Variants in TMEM40 observed in about 807,000 individuals in gnomAD.
TMEM40 encodes the protein transmembrane protein 40.
In TMEM40, 34 loss-of-function variants were observed where a neutral mutation model predicts 40.8. The ratio of observed to expected loss-of-function variants is 0.83; its 90% CI spans 0.63 to 1.11. The LOEUF is 1.11. Among genes scored for constraint, TMEM40 ranks in the 50% least tolerant of loss-of-function variants. TMEM40 has a pLI of 0.00. For missense variants in TMEM40, 296 were observed against 280.2 expected (o/e 1.06, Z -0.40); for synonymous variants, 106 against 107.0 (o/e 0.99, Z 0.06).
chr3:12,738,260 A>G (rs529621479), intron 6 of TMEM40, 92 bp from the exon 7 acceptor site: 1 of 1,430,002 alleles, frequency 7.0e-7, no homozygotes, highest in East Asian at 2.3e-5. Context: ...GTGACCTAAA[A>G]AAATGTCCCC....
chr3:12,758,119 T>C (rs2061542589), intron 1 of TMEM40, among the ~76,000 whole-genome samples: 1 of 150,832 alleles, frequency 6.6e-6, no homozygotes, highest in South Asian at 2.1e-4. Flanking sequence ...ACCCACAGGA[T>C]TGTTGTGAAA....
rs1452090071 is a variant in TMEM40, at chr3:12,738,122, G to C, written c.424+14C>G. On this transcript the variant is annotated intron_variant, in intron 7 of 11. Transcript: ENST00000314124. ...CACCCGCTCTGGCTCTCCTATTTGA[G>C]CTTGTGTATTTACCACTTGCTGGGT... The C allele has an allele frequency of 6.2e-7, 1 of 1,613,706 alleles. No homozygotes were observed. The highest frequency in any genetic ancestry group is 1.7e-5 in the Admixed American group (1 of 59,954).
intron 1 of TMEM40, among the ~76,000 whole-genome samples, chr3:12,757,244 C>A (rs1005600345): frequency 5.9e-5 from 9 of 151,904 alleles, no homozygotes; most frequent in African/African-American, 9.7e-5. Context: ...CTGAGGCGGG[C>A]GGATCACCTG....
rs571742502 is a variant in TMEM40 at position 12,734,574 on chromosome 3, C to T, written c.*200G>A. 1 of 593,180 alleles carries T rather than the reference C, an allele frequency of 1.7e-6. No individual in the cohort carries two copies. The highest frequency in any genetic ancestry group is 3.0e-6 in the Non-Finnish European group (1 of 337,118). 36.7% of individuals were successfully genotyped at this position (593,180 alleles called of 1,614,324 possible). ...GCCTTCCATCCTTGCAGCTGGGTTG[C>T]ACAGCAGTACTGCCCAAATGAGATG... On this transcript the variant is annotated 3_prime_UTR_variant, in exon 12 of 12. Coordinates refer to ENST00000314124, the MANE Select transcript of TMEM40 (RefSeq NM_018306.4).
intron 2 of TMEM40, among the ~76,000 whole-genome samples, chr3:12,749,086 G>A (rs1279466198): frequency 4.6e-5 from 7 of 151,732 alleles, no homozygotes; most frequent in African/African-American, 4.8e-5. Flanking sequence ...CTGCAGTGAC[G>A]CTATCTCGGC....
Position 12,749,792 on chromosome 3 carries a change from C to CTGTTG in TMEM40, c.36_40dup (p.Ser14ThrfsTer12). On this transcript the variant is annotated frameshift_variant, in exon 2 of 12. Coordinates refer to ENST00000314124, the MANE Select transcript of TMEM40 (RefSeq NM_018306.4). LOFTEE classifies it high-confidence loss of function. ...ATCTTCTGTTTCTCTGTGGACTTGA[C>CTGTTG]TGTTGTCCTGAGGCTGGGAGGAGGA... 1.2e-6 allele frequency: 2 copies of CTGTTG among 1,614,098 alleles called. No individual in the cohort carries two copies. The highest frequency in any genetic ancestry group is 1.7e-6 in the Non-Finnish European group (2 of 1,180,022).
At chr3:12,745,121 G>A (rs143277302) in intron 3 of TMEM40, among the ~76,000 whole-genome samples, 428 of 152,024 alleles carry the variant, frequency 2.8e-3, no homozygotes, top group Non-Finnish European at 4.2e-3. Context: ...GTGCAATGGC[G>A]TGATCTCAGC....
At position 12,747,910 on chromosome 3, in the gene TMEM40, C is replaced by CAAAAA. The variant is rs747586371; in HGVS notation, c.211+740_211+744dup. 1.3e-3 allele frequency among the ~76,000 whole-genome samples: 37 copies of CAAAAA among 27,576 alleles called. 4 individuals carry two copies. Among genetic ancestry groups the CAAAAA allele is most frequent in the African/African-American group, 3.9e-3 (36 of 9,120 alleles). The allele number at this position is 27,576 out of a possible 152,430, so 18.1% of individuals were successfully genotyped here. ...TGGGCAACAGAGCAAGATTCTGTCT[C>CAAAAA]AAAAAAAAAAAAAAAAAAAAAAAAA... On this transcript the variant is annotated intron_variant, in intron 3 of 11. Coordinates refer to ENST00000314124, the MANE Select transcript of TMEM40 (RefSeq NM_018306.4).
chr3:12,738,664 G>T, intron 5 of TMEM40, 76 bp from the exon 6 acceptor site: 2 of 1,502,458 alleles, frequency 1.3e-6, no homozygotes, highest in Non-Finnish European at 1.9e-6. Context: ...AGGGAAGGTG[G>T]ATCCTGCTCG....
chr3:12,763,214 C>CA (rs530116571), upstream of TMEM40, among the ~76,000 whole-genome samples: 24 of 150,490 alleles, frequency 1.6e-4, no homozygotes, highest in East Asian at 1.7e-3. Flanking sequence ...GTAGGTGCTC[C>CA]AAAAAAACTG....
intron 1 of TMEM40, among the ~76,000 whole-genome samples, chr3:12,753,211 C>CTTTTTTTTTTTTTT (rs56739791): frequency 1.7e-4 from 13 of 76,280 alleles, no homozygotes; most frequent in South Asian, 4.9e-4. Flanking sequence ...TTCTTTCTTT[C>CTTTTTTTTTTTTTT]TTTTTTTTTT....
chr3:12,767,403 C>T (rs6791074), intron 1 of TMEM40, among the ~76,000 whole-genome samples: 7,370 of 152,098 alleles, frequency 0.048, 213 homozygotes, highest in East Asian at 0.087. Context: ...CTTTCCCAGG[C>T]GACTGTGGCA....
chr3:12,762,123 C>T (rs565146499), upstream of TMEM40, among the ~76,000 whole-genome samples: 85 of 152,012 alleles, frequency 5.6e-4, 1 homozygote, highest in South Asian at 0.017. Flanking sequence ...CCACCATGCC[C>T]GGTTAACTTT....
At chr3:12,755,513 C>G (rs1401362758) in intron 1 of TMEM40, among the ~76,000 whole-genome samples, 1 of 151,902 alleles carries the variant, frequency 6.6e-6, no homozygotes, top group Non-Finnish European at 1.5e-5. Flanking sequence ...AGCACGTTGC[C>G]ATGTGAGGTG....
Position 12,737,709 on chromosome 3 carries a change from T to G in TMEM40, c.470A>C (p.Asp157Ala). ...SQLRRLNIKK[D>A]DEFFHFVLLC... is the part of the protein sequence containing the mutation. The stretch of plus-strand genomic sequence containing the variant: ...CTCTGCTACACCAAGTTCCTTACCA[T>G]CTTTCTTTATATTCAGTCTTCTTAA... Residue 157 changes from aspartate to alanine, a missense_variant and splice_region_variant, in exon 8 of 12, where the codon GAT (aspartate) becomes GCT (alanine). Physicochemically the swap from Asp to Ala is moderately radical, Grantham distance 126 (BLOSUM62 -2). Transcript: ENST00000314124. The G allele has an allele frequency of 6.2e-7, 1 of 1,614,020 alleles. No individual in the cohort carries two copies. The highest frequency in any genetic ancestry group is 8.5e-7 in the Non-Finnish European group (1 of 1,179,906).
chr3:12,749,862 G>GTAGTTAATATCACCT (rs1559530500), intron 1 of TMEM40, 22 bp from the exon 2 acceptor site: 6 of 1,602,842 alleles, frequency 3.7e-6, no homozygotes, highest in Non-Finnish European at 4.3e-6. Flanking sequence ...ACAATAATCA[G>GTAGTTAATATCACCT]TAGTTAATAT....
At chr3:12,769,234 T>A (rs1347281908) in intron 1 of TMEM40, 1 of 410,390 alleles carries the variant, frequency 2.4e-6, no homozygotes, top group African/African-American at 2.1e-5. Context: ...TTCCCGCCCG[T>A]GCCTTTCTCT....
At chr3:12,737,292 G>A (rs2061344766) in intron 8 of TMEM40, among the ~76,000 whole-genome samples, 2 of 151,824 alleles carry the variant, frequency 1.3e-5, no homozygotes, top group Non-Finnish European at 2.9e-5. Flanking sequence ...CCTGGAGCAG[G>A]GAAGTTGCTC....
chr3:12,735,684 G>A lies in TMEM40; in HGVS notation c.620-67C>T, dbSNP rs761576001. 1.7e-5 allele frequency: 23 copies of A among 1,383,868 alleles called. No individual in the cohort carries two copies. In the Middle Eastern group the frequency reaches 5.4e-4, roughly 32 times the overall value. 85.7% of individuals were successfully genotyped at this position (1,383,868 alleles called of 1,614,324 possible). A position where few individuals can be genotyped will look rare whatever the true frequency, so the allele number is the denominator to read the frequency against. On this transcript the variant is annotated intron_variant, in intron 10 of 11. Transcript: ENST00000314124. ...CAACAAGGGACACCAGGCCACCACT[G>A]GACAAGGGCCTAACTCATGCAAACA...
Sources: allele counts gnomAD v4.1 joint callset (sites outside exome capture counted in the v4.1 genomes callset), GRCh38; gene constraint gnomAD v4.1.1; transcripts MANE v1.5; gene names NCBI Gene and HGNC (gene_info 2026-07-23, HGNC 2026-07-21).